Variants in PLXNC1 observed in about 807,000 individuals in gnomAD.
The protein encoded by PLXNC1 is plexin C1.
A neutral mutation model predicts 178.2 loss-of-function variants in PLXNC1; 75 were observed. That is an observed-to-expected ratio of 0.42 (90% confidence interval 0.35 to 0.51). The LOEUF (loss-of-function observed/expected upper bound fraction) is 0.51. PLXNC1 is among the 20% of genes least tolerant of loss of function. The pLI, the probability that PLXNC1 is intolerant of heterozygous loss-of-function variation, is 0.02. For synonymous variants in PLXNC1, 790 were observed against 779.9 expected, an observed-to-expected ratio of 1.01 and a Z score of -0.22; for missense variants, 1,503 against 1,984.4, an observed-to-expected ratio of 0.76 and a Z score of 4.61.
intron 21 of PLXNC1, among the ~76,000 whole-genome samples, chr12:94,275,115 G>C (rs980456527): frequency 5.9e-5 from 9 of 152,310 alleles, no homozygotes; most frequent in Middle Eastern, 3.4e-3. Flanking sequence ...TGCTGGGCCT[G>C]GAACTCAGGG....
intron 20 of PLXNC1, 80 bp from the exon 21 acceptor site, chr12:94,264,999 T>A: frequency 7.1e-7 from 1 of 1,415,402 alleles, no homozygotes; most frequent in Non-Finnish European, 9.8e-7. Context: ...GCCTTACTGC[T>A]GTAAACAGAA....
In PLXNC1 at chr12:94,154,087, A is replaced by G. The variant is rs114634057; in HGVS notation, c.1062+4054A>G. On this transcript the variant is annotated intron_variant, in intron 1 of 30. Transcript: ENST00000258526. Reference sequence around the variant, plus strand: ...ATTGCCATGACAGCACCCACTTAGAAAGAGGGGAAAGCAATCATAGCTACT... The same window carrying G: ...ATTGCCATGACAGCACCCACTTAGAGAGAGGGGAAAGCAATCATAGCTACT... Among the ~76,000 whole-genome samples the G allele has an allele frequency of 2.1e-3, 326 of 152,372 alleles. 2 individuals are homozygous for G. Among genetic ancestry groups the G allele is most frequent in the African/African-American group, 7.6e-3 (316 of 41,594 alleles).
In PLXNC1 at chr12:94,259,387, C is replaced by T. The variant is rs776758168; in HGVS notation, c.3126+12C>T. On this transcript the variant is annotated intron_variant, in intron 18 of 30. Coordinates refer to ENST00000258526, the MANE Select transcript of PLXNC1 (RefSeq NM_005761.3). ...CTGAAGATATGCATGTAAGTCTCTACGTTTTCATTTTTAGCCCAGTGACTG... is the reference window on the plus strand; with the variant it reads ...CTGAAGATATGCATGTAAGTCTCTATGTTTTCATTTTTAGCCCAGTGACTG... 9 of 1,584,350 alleles carry T rather than the reference C, an allele frequency of 5.7e-6. No homozygotes were observed. The highest frequency in any genetic ancestry group is 2.3e-5 in the South Asian group (2 of 85,944).
chr12:94,230,128 C>A (rs1296763136), intron 9 of PLXNC1, among the ~76,000 whole-genome samples: 1 of 152,206 alleles, frequency 6.6e-6, no homozygotes, highest in Non-Finnish European at 1.5e-5. Context: ...TGATGCCTGG[C>A]AACCACTGAC....
chr12:94,211,103 G>A (rs191824983), intron 5 of PLXNC1, among the ~76,000 whole-genome samples: 191 of 152,238 alleles, frequency 1.3e-3, no homozygotes, highest in African/African-American at 4.4e-3. Flanking sequence ...TACAACTTCC[G>A]TACCTAGCTA....
At position 94,248,366 on chromosome 12, in the gene PLXNC1, G is replaced by A. The variant is rs568450392; in HGVS notation, c.2732G>A (p.Gly911Asp). 5.6e-6 allele frequency: 9 copies of A among 1,612,426 alleles called. 1 individual carries two copies. In the South Asian group the frequency reaches 6.6e-5, roughly 12 times the overall value. Reference sequence around the variant, plus strand: ...ACCACCATCCTTTGCAAAATTAAAGGCATCAAGACTGCAAGCACCATTGCC... The same window carrying A: ...ACCACCATCCTTTGCAAAATTAAAGACATCAAGACTGCAAGCACCATTGCC... ...DLTTILCKIK[G>D]IKTASTIANS... The change falls in exon 14 of 31, where the codon GGC (glycine) becomes GAC (aspartate). Residue 911 changes from glycine (G) to aspartate (D), a missense_variant. Gly to Asp is a moderately conservative substitution (Grantham distance 94). This residue lies in a region of PLXNC1 where 639 missense variants were observed against 979.7 expected (regional missense o/e 0.65). Coordinates refer to ENST00000258526, the MANE Select transcript of PLXNC1 (RefSeq NM_005761.3).
intron 6 of PLXNC1, 80 bp downstream of exon 6, chr12:94,220,243 A>C: frequency 7.2e-7 from 1 of 1,380,872 alleles, no homozygotes; most frequent in Admixed American, 1.8e-5. Context: ...TGCCCAAGGA[A>C]TATGAATAGT....
chr12:94,211,504 C>A (rs1004611284), intron 5 of PLXNC1, among the ~76,000 whole-genome samples: 1 of 152,074 alleles, frequency 6.6e-6, no homozygotes, highest in African/African-American at 2.4e-5. Flanking sequence ...ATGGAGACGG[C>A]AGTCTAGGGT....
rs752465108 is a variant in PLXNC1 at position 94,149,059 on chromosome 12, G to A, written c.88G>A (p.Ala30Thr). ...PLLAYLLALA[A>T]PGRGADEPVW... The stretch of plus-strand genomic sequence containing the variant: ...GCTCGCCTATCTGCTGGCACTGGCG[G>A]CTCCCGGCCGGGGCGCGGACGAGCC... Residue 30 changes from alanine (A) to threonine (T), a missense_variant, in exon 1 of 31, where the codon GCT (alanine) becomes ACT (threonine). Physicochemically the swap from Ala to Thr is moderately conservative, Grantham distance 58. Transcript: ENST00000258526. 2.7e-5 allele frequency: 42 copies of A among 1,545,120 alleles called. No homozygotes were observed. Among genetic ancestry groups the A allele is most frequent in the Non-Finnish European group, 3.5e-5 (40 of 1,154,288 alleles).
intron 2 of PLXNC1, among the ~76,000 whole-genome samples, chr12:94,179,466 C>T (rs2135957034): frequency 6.6e-6 from 1 of 152,230 alleles, no homozygotes; most frequent in East Asian, 1.9e-4. Context: ...CCAGGCCAGG[C>T]ACGGTGGCTC....
intron 1 of PLXNC1, among the ~76,000 whole-genome samples, chr12:94,161,639 A>G (rs887727640): frequency 1.3e-5 from 2 of 152,226 alleles, no homozygotes; most frequent in African/African-American, 4.8e-5. Flanking sequence ...ACTTCTTAGA[A>G]GCACATTTTA....
At chr12:94,237,526 T>C in intron 9 of PLXNC1, 138 bp from the exon 10 acceptor site, 1 of 664,512 alleles carries the variant, frequency 1.5e-6, no homozygotes, top group Non-Finnish European at 2.6e-6. Flanking sequence ...TTGATTTCAT[T>C]AAACACTGTC....
chr12:94,283,481 C>T lies in PLXNC1; in HGVS notation c.3879+1080C>T, dbSNP rs138254138. Among the ~76,000 whole-genome samples, 327 of 152,340 alleles carry T rather than the reference C, an allele frequency of 2.1e-3. 5 individuals are homozygous for T. Among genetic ancestry groups the T allele is most frequent in the East Asian group, 1.4e-3 (7 of 5,182 alleles). The stretch of plus-strand genomic sequence containing the variant: ...TAATGTAACTGCCCAACAGGTTCAC[C>T]TTCCCCATTGCCTAGACAGAGCTGA... On this transcript the variant is annotated intron_variant, in intron 23 of 30. Coordinates refer to ENST00000258526, the MANE Select transcript of PLXNC1 (RefSeq NM_005761.3).
At chr12:94,235,989 C>A (rs1176550369) in intron 9 of PLXNC1, among the ~76,000 whole-genome samples, 1 of 152,064 alleles carries the variant, frequency 6.6e-6, no homozygotes, top group Non-Finnish European at 1.5e-5. Context: ...GAAGAGTAAG[C>A]CTTTTGCTAT....
intron 23 of PLXNC1, among the ~76,000 whole-genome samples, chr12:94,288,063 C>T (rs79138180): frequency 1.1e-4 from 17 of 152,210 alleles, no homozygotes; most frequent in African/African-American, 4.1e-4. Context: ...GGGATACCTT[C>T]CCCCAGATCC....
intron 12 of PLXNC1, among the ~76,000 whole-genome samples, chr12:94,245,436 T>G (rs1964501513): frequency 1.3e-5 from 2 of 152,152 alleles, no homozygotes; most frequent in Non-Finnish European, 2.9e-5. Context: ...ATCCCAGCAC[T>G]TTGGGAGGCC....
chr12:94,222,509 C>A (rs1316051652), intron 6 of PLXNC1, among the ~76,000 whole-genome samples: 1 of 152,158 alleles, frequency 6.6e-6, no homozygotes. Context: ...TTCTAACACC[C>A]CTTTGGTCCT....
intron 1 of PLXNC1, among the ~76,000 whole-genome samples, chr12:94,162,627 T>C (rs1961426679): frequency 6.6e-6 from 1 of 152,136 alleles, no homozygotes; most frequent in Admixed American, 6.5e-5. Flanking sequence ...AATGGGCACT[T>C]GGGCTGAATA....
chr12:94,265,937 G>C (rs1314973158), intron 21 of PLXNC1, among the ~76,000 whole-genome samples: 1 of 152,218 alleles, frequency 6.6e-6, no homozygotes, highest in African/African-American at 2.4e-5. Flanking sequence ...AGCAGGGAAG[G>C]TAACTTTAGA....
Sources: gnomAD v4.1 joint callset for allele counts (sites outside exome capture counted in the v4.1 genomes callset) on GRCh38, gnomAD v4.1.1 for gene constraint, gnomAD v4.1.1 regional missense constraint, MANE v1.5 for transcripts, NCBI Gene and HGNC (gene_info 2026-07-23, HGNC 2026-07-21) for gene names.